Variants in ASIC2 observed in about 807,000 individuals in gnomAD.
ASIC2 encodes acid sensing ion channel subunit 2, also known as acid-sensing ion channel 2.
ASIC2 carries 25 observed loss-of-function variants against 57.3 expected under a neutral mutation model. The observed-to-expected ratio is 0.44, with a 90% CI of 0.32 to 0.61. The LOEUF (loss-of-function observed/expected upper bound fraction) is 0.61, where lower values mean the gene tolerates loss of function less well. Ranked by LOEUF, ASIC2 falls within the 20% of genes least tolerant of loss-of-function variation. The pLI is 0.06. For synonymous variants in ASIC2, 319 were observed against 307.5 expected (o/e 1.04, Z -0.39); for missense variants, 641 against 738.1 (o/e 0.87, Z 1.52).
intron 1 of ASIC2, among the ~76,000 whole-genome samples, chr17:33,133,393 T>G (rs1201146318): frequency 6.6e-6 from 1 of 152,044 alleles, no homozygotes; most frequent in Non-Finnish European, 1.5e-5. Flanking sequence ...GGACTGAAGA[T>G]GGTAAAGGTG....
rs550188674 is a variant in ASIC2, at chr17:33,978,534, C to T, written c.555+177444G>A. Among the ~76,000 whole-genome samples the T allele has an allele frequency of 2.4e-4, 37 of 152,358 alleles. 1 individual carries two copies. In the South Asian group the frequency reaches 6.8e-3, roughly 28 times the overall value. The stretch of plus-strand genomic sequence containing the variant: ...TTCCTATACAGAGTCTGGAACTGTG[C>T]CTGCCCGCATAGTGCACACTCACAG... On this transcript the variant is annotated intron_variant, in intron 1 of 9. Coordinates refer to the ASIC2 transcript ENST00000359872.
At position 33,021,305 on chromosome 17, in the gene ASIC2, TTC is replaced by T. The variant is rs1246821117; in HGVS notation, c.1353_1354del (p.Asn452HisfsTer9). 6.2e-7 allele frequency: 1 copy of T among 1,609,654 alleles called. No homozygotes were observed. The highest frequency in any genetic ancestry group is 1.3e-5 in the African/African-American group (1 of 74,896). On this transcript the variant is annotated frameshift_variant, in exon 7 of 10. Transcript: ENST00000225823. LOFTEE classifies it high-confidence loss of function. ...AAAAAATATATCCAGAACAAGGATGTTCTCTCTGCAGAGAGAATAGTCAGTAC... is the reference window on the plus strand; with the variant it reads ...AAAAAATATATCCAGAACAAGGATGTTCTCTGCAGAGAGAATAGTCAGTAC...
intron 1 of ASIC2, among the ~76,000 whole-genome samples, chr17:33,755,210 C>A (rs971596191): frequency 2.6e-5 from 4 of 152,066 alleles, no homozygotes; most frequent in African/African-American, 9.7e-5. Context: ...GGCCACAAGC[C>A]AAGGAATGCT....
intron 1 of ASIC2, among the ~76,000 whole-genome samples, chr17:34,046,834 G>T (rs7208459): frequency 2.0e-5 from 3 of 152,154 alleles, no homozygotes; most frequent in Non-Finnish European, 4.4e-5. Context: ...CAGGCCTGGG[G>T]GGTAGGCTTC....
At chr17:33,714,451 T>C (rs1909146992) in intron 1 of ASIC2, among the ~76,000 whole-genome samples, 1 of 152,138 alleles carries the variant, frequency 6.6e-6, no homozygotes, top group South Asian at 2.1e-4. Flanking sequence ...TATGAATGCA[T>C]AAAAATAGAT....
At chr17:34,039,170 T>C (rs1411353145) in intron 1 of ASIC2, 1 of 1,614,054 alleles carries the variant, frequency 6.2e-7, no homozygotes, top group East Asian at 2.2e-5. Context: ...AAATCATCTA[T>C]TCTTCCCTCC....
intron 1 of ASIC2, among the ~76,000 whole-genome samples, chr17:33,388,086 A>AAAAG (rs1470561580): frequency 1.4e-5 from 1 of 72,280 alleles, no homozygotes; most frequent in Non-Finnish European, 2.9e-5. Flanking sequence ...TCTCAAAAAA[A>AAAAG]CAAAGCAAAG....
At chr17:33,438,793 C>T (rs1031553868) in intron 1 of ASIC2, among the ~76,000 whole-genome samples, 1 of 151,492 alleles carries the variant, frequency 6.6e-6, no homozygotes, top group East Asian at 1.9e-4. Flanking sequence ...CAATCAGAAG[C>T]ACTCACTTCA....
chr17:34,033,576 G>GC (rs1907722428), intron 1 of ASIC2, among the ~76,000 whole-genome samples: 1 of 152,154 alleles, frequency 6.6e-6, no homozygotes, highest in African/African-American at 2.4e-5. Context: ...GAATCCGGGA[G>GC]TTGCTTTTTG....
intron 1 of ASIC2, among the ~76,000 whole-genome samples, chr17:33,923,597 A>G (rs184236287): frequency 1.0e-3 from 154 of 152,250 alleles, no homozygotes; most frequent in Admixed American, 4.4e-3. Context: ...TATAGGGAAA[A>G]TGATTTCTCT....
chr17:34,002,787 G>T (rs1361073492), intron 1 of ASIC2: 1 of 151,936 alleles, frequency 6.6e-6, no homozygotes, highest in Non-Finnish European at 1.5e-5. Context: ...AGCTGGTATG[G>T]TTTTTTTCTC....
chr17:33,231,202 G>A (rs1186080323), intron 1 of ASIC2, among the ~76,000 whole-genome samples: 2 of 152,180 alleles, frequency 1.3e-5, no homozygotes, highest in Non-Finnish European at 2.9e-5. Flanking sequence ...GCACGTTCTC[G>A]CTATCAGGGT....
intron 1 of ASIC2, among the ~76,000 whole-genome samples, chr17:33,796,443 T>C (rs562829195): frequency 1.3e-5 from 2 of 152,322 alleles, no homozygotes; most frequent in South Asian, 4.1e-4. Flanking sequence ...TAATATTACA[T>C]GCTTAATAGC....
At chr17:33,017,711 C>A (rs376971457) in intron 7 of ASIC2, 27 bp from the exon 8 acceptor site, 1 of 1,602,468 alleles carries the variant, frequency 6.2e-7, no homozygotes, top group South Asian at 1.1e-5. Flanking sequence ...AAGACCAAAG[C>A]TTTGCTTTTA....
chr17:33,904,055 C>T lies in ASIC2; in HGVS notation c.555+251923G>A, dbSNP rs527835550. ...GTGCATGGCTGTAATTCCAGCTACT[C>T]GGGAGGCTGAGGCAGGAGAATTGCT... On this transcript the variant is annotated intron_variant, in intron 1 of 9. Transcript: ENST00000359872. 1.1e-4 allele frequency among the ~76,000 whole-genome samples: 16 copies of T among 141,382 alleles called. No homozygotes were observed. In the East Asian group the frequency reaches 2.7e-3, roughly 24 times the overall value. 92.8% of individuals were successfully genotyped at this position (141,382 alleles called of 152,430 possible).
At position 33,568,156 on chromosome 17, in the gene ASIC2, G is replaced by A. The variant is rs905606788; in HGVS notation, c.556-456089C>T. ...TCTCACAGTCAAACATGACCCAAAT[G>A]GGTGCCAGGGGAGCCCTCCAGTTAG... On this transcript the variant is annotated intron_variant, in intron 1 of 9. Coordinates refer to the ASIC2 transcript ENST00000359872. Among the ~76,000 whole-genome samples, 19 of 152,258 alleles carry A rather than the reference G, an allele frequency of 1.2e-4. No individual in the cohort carries two copies. In the East Asian group the frequency reaches 3.7e-3, roughly 29 times the overall value.
At chr17:33,063,111 A>T (rs566492829) in intron 3 of ASIC2, among the ~76,000 whole-genome samples, 3 of 152,260 alleles carry the variant, frequency 2.0e-5, no homozygotes, top group African/African-American at 7.2e-5. Context: ...TTGACTCGTT[A>T]TCCAATTTGC....
At chr17:33,799,404 T>TTCTTTC (rs1325452286) in intron 1 of ASIC2, among the ~76,000 whole-genome samples, 1 of 15,408 alleles carries the variant, frequency 6.5e-5, no homozygotes, top group African/African-American at 1.7e-4. Flanking sequence ...CTTTCTTTCT[T>TTCTTTC]TTCTTTCTTT....
rs940765768 is a variant in ASIC2, at chr17:33,572,483, C to T, written c.556-460416G>A. ...GTCCTTGGAATCTAGGCCACATCCC[C>T]AACACCCATAGGCTTCCCCAAGCAT... On this transcript the variant is annotated intron_variant, in intron 1 of 9. Transcript: ENST00000359872. 2.0e-5 allele frequency: 3 copies of T among 152,282 alleles called. No individual in the cohort carries two copies. In the South Asian group the frequency reaches 6.2e-4, roughly 32 times the overall value. 9.4% of individuals were successfully genotyped at this position (152,282 alleles called of 1,614,324 possible). A position where few individuals can be genotyped will look rare whatever the true frequency, so the allele number is the denominator to read the frequency against.
Sources: gnomAD v4.1 joint callset for allele counts (sites outside exome capture counted in the v4.1 genomes callset) on GRCh38, gnomAD v4.1.1 for gene constraint, MANE v1.5 for transcripts, NCBI Gene and HGNC (gene_info 2026-07-23, HGNC 2026-07-21) for gene names.